The following SLC2A9 variants were observed in gnomAD, a reference collection of about 807,000 sequenced individuals.
The protein encoded by SLC2A9 is solute carrier family 2 member 9, also known as solute carrier family 2, facilitated glucose transporter member 9.
A neutral mutation model predicts 50.6 loss-of-function variants in SLC2A9; 39 were observed. The ratio of observed to expected loss-of-function variants is 0.77; its 90% confidence interval spans 0.60 to 1.01. The LOEUF is 1.01. Among genes scored for constraint, SLC2A9 ranks in the 50% least tolerant of loss-of-function variants. The pLI is 0.00. For synonymous variants in SLC2A9, 324 were observed against 276.9 expected (o/e 1.17, Z -1.69); for missense variants, 686 against 677.6 (o/e 1.01, Z -0.14).
chr4:9,986,486 C>T (rs981617631), intron 3 of SLC2A9, among the ~76,000 whole-genome samples: 11 of 152,190 alleles, frequency 7.2e-5, no homozygotes, highest in Admixed American at 3.9e-4. Flanking sequence ...GGGGTGCAGG[C>T]CCCAGCCCCA....
chr4:9,961,830 T>A (rs1448383729), intron 5 of SLC2A9, among the ~76,000 whole-genome samples: 1 of 152,034 alleles, frequency 6.6e-6, no homozygotes, highest in Non-Finnish European at 1.5e-5. Flanking sequence ...AGGTCTAATA[T>A]CCAGAGTCTA....
intron 11 of SLC2A9, among the ~76,000 whole-genome samples, chr4:9,827,591 C>G (rs1461591299): frequency 6.6e-6 from 1 of 152,234 alleles, no homozygotes; most frequent in Non-Finnish European, 1.5e-5. Flanking sequence ...GGATCACATC[C>G]TAGATCTACC....
intron 5 of SLC2A9, among the ~76,000 whole-genome samples, chr4:9,957,219 A>G (rs970050370): frequency 1.3e-5 from 2 of 152,068 alleles, no homozygotes; most frequent in African/African-American, 4.8e-5. Context: ...GGCCAAAAAC[A>G]TGAAAATAAA....
chr4:10,021,503 G>A (rs2109568220), upstream of SLC2A9: 6 of 1,604,986 alleles, frequency 3.7e-6, no homozygotes, highest in Non-Finnish European at 5.1e-6. Context: ...TGAGTGAGGA[G>A]GCAGAGTCCA....
intron 6 of SLC2A9, among the ~76,000 whole-genome samples, chr4:9,935,897 A>G (rs1746981935): frequency 6.6e-6 from 1 of 152,182 alleles, no homozygotes. Context: ...CCATTTCATG[A>G]AATGCCCAGC....
chr4:9,825,550 C>T (rs1725010482), downstream of SLC2A9, among the ~76,000 whole-genome samples: 1 of 151,658 alleles, frequency 6.6e-6, no homozygotes, highest in African/African-American at 2.4e-5. Flanking sequence ...TTTTTTCCCA[C>T]CAAGCCTAGG....
intron 10 of SLC2A9, among the ~76,000 whole-genome samples, chr4:9,861,799 C>T (rs928177688): frequency 1.3e-5 from 2 of 152,070 alleles, no homozygotes; most frequent in Admixed American, 6.5e-5. Context: ...TAGTATGGAA[C>T]CAAGTATGTC....
chr4:9,899,228 C>T (rs1360529870), intron 8 of SLC2A9, among the ~76,000 whole-genome samples: 5 of 152,232 alleles, frequency 3.3e-5, no homozygotes, highest in African/African-American at 1.2e-4. Context: ...ACCCTTGGCA[C>T]ATGAGCAATT....
At chr4:9,914,542 C>T (rs1742501554) in intron 7 of SLC2A9, among the ~76,000 whole-genome samples, 2 of 152,248 alleles carry the variant, frequency 1.3e-5, no homozygotes, top group African/African-American at 4.8e-5. Flanking sequence ...GGGTCACTCA[C>T]TGGCCTTGAA....
At chr4:9,928,089 C>T (rs1010392231) in intron 6 of SLC2A9, among the ~76,000 whole-genome samples, 1 of 151,954 alleles carries the variant, frequency 6.6e-6, no homozygotes, top group Non-Finnish European at 1.5e-5. Flanking sequence ...CCAGCCTCAG[C>T]AACACAGTGA....
intron 5 of SLC2A9, among the ~76,000 whole-genome samples, chr4:9,978,464 A>G (rs1045070166): frequency 2.0e-5 from 3 of 152,240 alleles, no homozygotes; most frequent in Admixed American, 2.0e-4. Flanking sequence ...TTTTACTCCT[A>G]AAGGACAATA....
intron 5 of SLC2A9, among the ~76,000 whole-genome samples, chr4:9,965,028 G>A (rs1176790966): frequency 1.3e-5 from 2 of 152,194 alleles, no homozygotes; most frequent in African/African-American, 4.8e-5. Flanking sequence ...CATAAATGAC[G>A]CGATGACTGA....
At chr4:9,929,173 T>C (rs568610316) in intron 6 of SLC2A9, among the ~76,000 whole-genome samples, 3 of 152,358 alleles carry the variant, frequency 2.0e-5, no homozygotes, top group African/African-American at 4.8e-5. Flanking sequence ...AATTCTCGTA[T>C]AACTATCCCC....
rs763588518 is a variant in SLC2A9 at position 9,834,863 on chromosome 4, A to G, written c.1419+18T>C. On this transcript the variant is annotated intron_variant, in intron 11 of 11. Coordinates refer to ENST00000264784, the MANE Select transcript of SLC2A9 (RefSeq NM_020041.3). ...TCAAAGGGAACCCCATGGGCAAAAG[A>G]CTCCTTGTCAGTCATACCTGAATGA... 2.5e-6 allele frequency: 4 copies of G among 1,614,044 alleles called. No individual in the cohort carries two copies. The Admixed American group carries it at 5.0e-5, about 20-fold the overall frequency.
At position 9,953,322 on chromosome 4, in the gene SLC2A9, G is replaced by A. The variant is rs529621219; in HGVS notation, c.682-11277C>T. On this transcript the variant is annotated intron_variant, in intron 5 of 11. Transcript: ENST00000264784. ...GGGCAGTGACGAGAGGTCCCACACT[G>A]TATCATCTGCCTGTCTCAAATCTCA... 2.0e-5 allele frequency among the ~76,000 whole-genome samples: 3 copies of A among 152,332 alleles called. No homozygotes were observed. The South Asian group carries it at 6.2e-4, about 32-fold the overall frequency.
At chr4:9,777,611 C>A (rs1577241523), downstream of SLC2A9, among the ~76,000 whole-genome samples, 1 of 152,192 alleles carries the variant, frequency 6.6e-6, no homozygotes, top group Non-Finnish European at 1.5e-5. Flanking sequence ...GCATTGATTT[C>A]ATGGTGTTGG....
intron 11 of SLC2A9, among the ~76,000 whole-genome samples, 181 bp downstream of exon 11, chr4:9,834,700 G>C (rs1454711264): frequency 6.6e-6 from 1 of 152,196 alleles, no homozygotes; most frequent in African/African-American, 2.4e-5. Context: ...GCTCTAGGAA[G>C]GCACAGGAAA....
chr4:9,920,991 T>C (rs959551983), intron 6 of SLC2A9, among the ~76,000 whole-genome samples: 1 of 152,212 alleles, frequency 6.6e-6, no homozygotes, highest in Non-Finnish European at 1.5e-5. Flanking sequence ...CTTCCCACAC[T>C]GGAGTTCGTT....
At chr4:9,938,772 G>A (rs1181620740) in intron 6 of SLC2A9, among the ~76,000 whole-genome samples, 11 of 152,194 alleles carry the variant, frequency 7.2e-5, no homozygotes, top group Admixed American at 6.5e-4. Context: ...TTCCTTGTCT[G>A]CAAAGTTTTG....
Sources: gnomAD v4.1 joint callset for allele counts (sites outside exome capture counted in the v4.1 genomes callset) on GRCh38, gnomAD v4.1.1 for gene constraint, MANE v1.5 for transcripts, NCBI Gene and HGNC (gene_info 2026-07-23, HGNC 2026-07-21) for gene names.